Variants in NPHP4 observed in about 807,000 individuals in gnomAD.
The protein encoded by NPHP4 is nephrocystin-4.
Under a neutral mutation model 155.8 loss-of-function variants are expected in NPHP4, and 151 were observed. The ratio of observed to expected loss-of-function variants is 0.97; its 90% confidence interval spans 0.85 to 1.11. The LOEUF is 1.11. NPHP4 is among the 50% of genes least tolerant of loss of function. The pLI, the probability that NPHP4 is intolerant of heterozygous loss-of-function variation, is 0.00. For missense variants in NPHP4, 1,956 were observed against 1,925.7 expected, an observed-to-expected ratio of 1.02 and a Z score of -0.29; for synonymous variants, 845 against 816.8, an observed-to-expected ratio of 1.03 and a Z score of -0.59.
At chr1:5,984,460 G>T (rs1222673826) in intron 2 of NPHP4, among the ~76,000 whole-genome samples, 1 of 152,174 alleles carries the variant, frequency 6.6e-6, no homozygotes, top group Non-Finnish European at 1.5e-5. Flanking sequence ...CTTGAGCTCA[G>T]GGGGAGGAGG....
intron 20 of NPHP4, 38 bp from the exon 21 acceptor site, chr1:5,875,138 C>G (rs1201057744): frequency 2.7e-6 from 4 of 1,488,234 alleles, no homozygotes; most frequent in Non-Finnish European, 3.7e-6. Context: ...GGGTCCCAGG[C>G]ACACTCTCCT....
chr1:5,915,163 T>C (rs955220809), intron 11 of NPHP4, among the ~76,000 whole-genome samples: 1 of 152,120 alleles, frequency 6.6e-6, no homozygotes, highest in Non-Finnish European at 1.5e-5. Context: ...GGCTGTTGCT[T>C]AGCAACTCAT....
At chr1:5,928,711 T>C (rs1646135094) in intron 10 of NPHP4, among the ~76,000 whole-genome samples, 2 of 152,244 alleles carry the variant, frequency 1.3e-5, no homozygotes, top group South Asian at 4.1e-4. Flanking sequence ...TGTAGTATGA[T>C]TCCTCCAACT....
In NPHP4 at chr1:5,892,668, C is replaced by T. The variant is rs1644192497; in HGVS notation, c.2144-1640G>A. Among the ~76,000 whole-genome samples the T allele has an allele frequency of 1.3e-5, 2 of 151,974 alleles. No individual in the cohort carries two copies. The highest frequency in any genetic ancestry group is 4.1e-4 in the South Asian group (2 of 4,824). ...TGGGTCGAGCTGTGTTTGGGACGCG[C>T]GTACTCTCCCCACTGCAGCCTCAGA... On this transcript the variant is annotated intron_variant, in intron 16 of 29. Transcript: ENST00000378156. This position sits in a 1 kb window ranked among gnomAD's most constrained non-coding sequence, Gnocchi z 4.5.
chr1:5,899,583 G>C (rs548496534), intron 16 of NPHP4, among the ~76,000 whole-genome samples: 6 of 152,086 alleles, frequency 3.9e-5, no homozygotes, highest in Non-Finnish European at 8.8e-5. Context: ...GTGTTCACTT[G>C]GTAAAATTTA....
chr1:5,981,298 A>G (rs911924817), intron 2 of NPHP4, among the ~76,000 whole-genome samples: 2 of 152,160 alleles, frequency 1.3e-5, no homozygotes, highest in African/African-American at 4.8e-5. Context: ...GCTACTTCAC[A>G]TCCAGTCTAT....
intron 20 of NPHP4, 37 bp from the exon 21 acceptor site, chr1:5,875,137 G>A: frequency 6.7e-7 from 1 of 1,494,436 alleles, no homozygotes; most frequent in Non-Finnish European, 9.1e-7. Context: ...AGGGTCCCAG[G>A]CACACTCTCC....
At chr1:5,888,806 T>A (rs1643957182) in intron 17 of NPHP4, among the ~76,000 whole-genome samples, 5 of 152,208 alleles carry the variant, frequency 3.3e-5, no homozygotes, top group Admixed American at 3.3e-4. Flanking sequence ...AGTGCAGGCC[T>A]GGCTGAGCCT....
chr1:5,989,253 C>T (rs1655905273), intron 1 of NPHP4, among the ~76,000 whole-genome samples: 1 of 152,324 alleles, frequency 6.6e-6, no homozygotes, highest in East Asian at 1.9e-4. Context: ...ACCGGCCTAA[C>T]TGGAAAAGAA....
Position 5,863,013 on chromosome 1 carries a change from A to G in NPHP4, c.*252T>C. ...CCACATGCGTAGATGGCAGCACCAG[A>G]GCCAGACCCACCACCACGGAGTTCG... On this transcript the variant is annotated 3_prime_UTR_variant, in exon 30 of 30. Transcript: ENST00000378156. The G allele has an allele frequency of 7.2e-6, 4 of 556,650 alleles. No individual in the cohort carries two copies. Among genetic ancestry groups the G allele is most frequent in the Non-Finnish European group, 1.3e-5 (4 of 309,300 alleles). 34.5% of individuals were successfully genotyped at this position (556,650 alleles called of 1,614,324 possible).
At chr1:5,883,101 C>T (rs1643454160) in intron 18 of NPHP4, among the ~76,000 whole-genome samples, 1 of 152,190 alleles carries the variant, frequency 6.6e-6, no homozygotes, top group South Asian at 2.1e-4. Context: ...GCAAACACCA[C>T]TACAAAGAAG....
At chr1:5,885,961 T>C (rs1011175230) in intron 18 of NPHP4, among the ~76,000 whole-genome samples, 1 of 152,236 alleles carries the variant, frequency 6.6e-6, no homozygotes, top group Non-Finnish European at 1.5e-5. Context: ...GCTGGCTATC[T>C]CAGCCTCCCC....
At chr1:5,873,515 G>C (rs922921524) in intron 22 of NPHP4, 180 bp from the exon 23 acceptor site, 1 of 628,014 alleles carries the variant, frequency 1.6e-6, no homozygotes, top group Non-Finnish European at 2.8e-6. Context: ...AGGCTGCCAG[G>C]AACAAAGGGA....
intron 7 of NPHP4, among the ~76,000 whole-genome samples, chr1:5,952,051 T>C (rs1648188235): frequency 6.6e-6 from 1 of 152,200 alleles, no homozygotes. Flanking sequence ...ACGCCCTGCC[T>C]GGGCACCTGG....
chr1:5,980,077 C>G (rs887197769), intron 2 of NPHP4, among the ~76,000 whole-genome samples: 1 of 152,174 alleles, frequency 6.6e-6, no homozygotes, highest in African/African-American at 2.4e-5. Context: ...ACCTCAGAGA[C>G]CACGACATGA....
At chr1:5,904,157 G>A (rs970387911) in intron 16 of NPHP4, among the ~76,000 whole-genome samples, 5 of 152,214 alleles carry the variant, frequency 3.3e-5, no homozygotes, top group South Asian at 2.1e-4. Context: ...GGCAGCAACT[G>A]CAGACAGAGA....
rs778714256 is a variant in NPHP4, at chr1:5,867,662, T to G, written c.3472+78A>C. 18 of 1,461,062 alleles carry G rather than the reference T, an allele frequency of 1.2e-5. No homozygotes were observed. Among genetic ancestry groups the G allele is most frequent in the Non-Finnish European group, 1.7e-5 (18 of 1,064,624 alleles). The allele number at this position is 1,461,062 out of a possible 1,614,324, so 90.5% of individuals were successfully genotyped here. ...ACCAGGGCATGAAGCCATGAGGCCATCTGTCACCCTCAAGAGGTATCTACT... is the reference window on the plus strand; with the variant it reads ...ACCAGGGCATGAAGCCATGAGGCCAGCTGTCACCCTCAAGAGGTATCTACT... On this transcript the variant is annotated intron_variant, in intron 24 of 29. Transcript: ENST00000378156. The surrounding 1 kb of genome is among the most constrained non-coding windows in gnomAD (Gnocchi z 4.1).
Position 5,874,971 on chromosome 1 carries a change from C to T in NPHP4, c.2947G>A (p.Ala983Thr), listed in dbSNP as rs760239548. 62 of 1,613,124 alleles carry T rather than the reference C, an allele frequency of 3.8e-5. No individual in the cohort carries two copies. The highest frequency in any genetic ancestry group is 2.0e-4 in the East Asian group (9 of 44,874). ...AAGAACTCGGCGACCCCCAGCGTGG[C>T]GTGGAGCGTGTGCTCCGTGGTGATG... ...LAITTEHTLH[A>T]TLGVAEFFEF... is the part of the protein sequence containing the mutation. Residue 983 changes from alanine (A) to threonine (T), a missense_variant, in exon 21 of 30, where the codon GCC becomes ACC. Coordinates refer to ENST00000378156, the MANE Select transcript of NPHP4 (RefSeq NM_015102.5).
chr1:5,923,847 T>A (rs773428548), intron 11 of NPHP4, among the ~76,000 whole-genome samples: 19 of 152,150 alleles, frequency 1.2e-4, no homozygotes, highest in African/African-American at 4.6e-4. Flanking sequence ...CTGGAGCCCA[T>A]CAAAAGTTAT....
Sources: allele counts gnomAD v4.1 joint callset (sites outside exome capture counted in the v4.1 genomes callset), GRCh38; gene constraint gnomAD v4.1.1; non-coding constraint Gnocchi (gnomAD v3.1); transcripts MANE v1.5; gene names NCBI Gene and HGNC (gene_info 2026-07-23, HGNC 2026-07-21).